The following MYO9A variants were observed in gnomAD, a reference collection of about 807,000 sequenced individuals.
MYO9A encodes myosin IXA.
In MYO9A, 103 loss-of-function variants were observed where a neutral mutation model predicts 293.3. The observed-to-expected ratio is 0.35, with a 90% CI of 0.30 to 0.41. The LOEUF (loss-of-function observed/expected upper bound fraction) is 0.41, where lower values mean the gene tolerates loss of function less well. MYO9A is among the 10% of genes least tolerant of loss of function. The pLI is 1.00. For missense variants in MYO9A, 2,685 were observed against 3,033.0 expected (o/e 0.89, Z 2.69); for synonymous variants, 1,001 against 1,035.7 (o/e 0.97, Z 0.64).
At chr15:71,925,424 T>G (rs923637034) in intron 18 of MYO9A, among the ~76,000 whole-genome samples, 3 of 151,660 alleles carry the variant, frequency 2.0e-5, no homozygotes, top group Non-Finnish European at 4.4e-5. Context: ...TATGTATATG[T>G]ATATATAGAT....
chr15:71,901,903 T>A (rs1342352664), intron 22 of MYO9A, among the ~76,000 whole-genome samples: 1 of 152,164 alleles, frequency 6.6e-6, no homozygotes, highest in East Asian at 1.9e-4. Context: ...AAACCAATGA[T>A]AACAGTCTTT....
At chr15:71,987,165 G>A (rs1314032017) in intron 11 of MYO9A, among the ~76,000 whole-genome samples, 1 of 152,138 alleles carries the variant, frequency 6.6e-6, no homozygotes, top group African/African-American at 2.4e-5. Flanking sequence ...GCCTAGGTGT[G>A]TAGGAGGCTA....
chr15:71,989,339 T>C (rs1200297310), intron 11 of MYO9A, among the ~76,000 whole-genome samples: 2 of 152,206 alleles, frequency 1.3e-5, no homozygotes, highest in Admixed American at 1.3e-4. Context: ...TATCTCATCC[T>C]AGAACTAAGA....
At position 72,020,812 on chromosome 15, in the gene MYO9A, T is replaced by C. The variant is rs149969754; in HGVS notation, c.1098+106A>G. On this transcript the variant is annotated intron_variant, in intron 5 of 41. Coordinates refer to ENST00000356056, the MANE Select transcript of MYO9A (RefSeq NM_006901.4). Reference sequence around the variant, plus strand: ...TTGTAGAGTACATATATGAAAATGCTAGCTAATCCATTCCTAGGTTTGAGA... The same window carrying C: ...TTGTAGAGTACATATATGAAAATGCCAGCTAATCCATTCCTAGGTTTGAGA... 2,088 of 551,606 alleles carry C rather than the reference T, an allele frequency of 3.8e-3. 3 individuals are homozygous for C. The highest frequency in any genetic ancestry group is 5.5e-3 in the Non-Finnish European group (1,905 of 346,088). 34.2% of individuals were successfully genotyped at this position (551,606 alleles called of 1,614,324 possible).
Position 71,944,420 on chromosome 15 carries a change from T to C in MYO9A, c.2303-5493A>G, listed in dbSNP as rs574980881. On this transcript the variant is annotated intron_variant, in intron 15 of 41. Coordinates refer to ENST00000356056, the MANE Select transcript of MYO9A (RefSeq NM_006901.4). ...GTCTCATCTAAGAAACTTTTGCCTG[T>C]CACAAGATTACAAAAATTTGTTTCT... Among the ~76,000 whole-genome samples, 6 of 152,270 alleles carry C rather than the reference T, an allele frequency of 3.9e-5. No homozygotes were observed. In the South Asian group the frequency reaches 1.2e-3, roughly 32 times the overall value.
chr15:71,936,037 T>G (rs1010182855), intron 16 of MYO9A, among the ~76,000 whole-genome samples: 1 of 151,804 alleles, frequency 6.6e-6, no homozygotes, highest in African/African-American at 2.4e-5. Context: ...ACATCATAAT[T>G]AATGGAGGAC....
At chr15:71,985,860 C>G (rs760242866) in intron 11 of MYO9A, among the ~76,000 whole-genome samples, 14 of 152,112 alleles carry the variant, frequency 9.2e-5, no homozygotes, top group Non-Finnish European at 1.5e-5. Flanking sequence ...ATGGATGAAA[C>G]AAAAACTTGC....
chr15:71,978,097 G>GA, intron 12 of MYO9A, 74 bp downstream of exon 12: 1 of 1,539,248 alleles, frequency 6.5e-7, no homozygotes, highest in Non-Finnish European at 8.8e-7. Flanking sequence ...GGTAATGTAA[G>GA]AAAAAAGTTT....
At chr15:71,983,475 T>A (rs1202855964) in intron 11 of MYO9A, among the ~76,000 whole-genome samples, 45 of 132,532 alleles carry the variant, frequency 3.4e-4, no homozygotes, top group Non-Finnish European at 5.7e-4. Flanking sequence ...TATTTCTTTT[T>A]TTTTTTTTTT....
chr15:72,023,447 C>T (rs2077563106), intron 4 of MYO9A, among the ~76,000 whole-genome samples: 1 of 152,078 alleles, frequency 6.6e-6, no homozygotes, highest in Admixed American at 6.5e-5. Context: ...AACCCCAGTA[C>T]TTTGGGAGGC....
intron 39 of MYO9A, 131 bp downstream of exon 39, chr15:71,848,714 G>T: frequency 9.5e-7 from 1 of 1,053,818 alleles, no homozygotes; most frequent in Non-Finnish European, 1.3e-6. Flanking sequence ...ATAGCACCTT[G>T]AGATTTGGTG....
chr15:71,896,508 G>A (rs1245120403), intron 25 of MYO9A, among the ~76,000 whole-genome samples: 4 of 151,984 alleles, frequency 2.6e-5, no homozygotes, highest in East Asian at 1.9e-4. Flanking sequence ...GGCTGGGTGC[G>A]GTGGCTCACA....
At chr15:71,847,415 C>T (rs1246523107) in intron 39 of MYO9A, 2 of 453,674 alleles carry the variant, frequency 4.4e-6, no homozygotes, top group African/African-American at 2.0e-5. Context: ...TAATACATAC[C>T]GAGACTGAAT....
chr15:72,108,661 T>G (rs1247679552), intron 1 of MYO9A, among the ~76,000 whole-genome samples: 2 of 152,214 alleles, frequency 1.3e-5, no homozygotes, highest in East Asian at 3.8e-4. Flanking sequence ...GGGTATTATT[T>G]TTCCTAGGTG....
chr15:71,879,901 T>C (rs2142464284), intron 29 of MYO9A, 64 bp from the exon 30 acceptor site: 4 of 1,094,972 alleles, frequency 3.7e-6, no homozygotes, highest in Non-Finnish European at 4.2e-6. Flanking sequence ...AATACAACAG[T>C]AGGCATGTAT....
chr15:72,050,636 A>T (rs1156562678), intron 1 of MYO9A, among the ~76,000 whole-genome samples: 1 of 151,332 alleles, frequency 6.6e-6, no homozygotes, highest in Non-Finnish European at 1.5e-5. Context: ...ATAAACAAAC[A>T]AACAAACAAA....
In MYO9A at chr15:71,870,215, TA is replaced by T. The variant is rs937709972; in HGVS notation, c.5979+5575del. On this transcript the variant is annotated intron_variant, in intron 32 of 41. Transcript: ENST00000356056. ...GTATTACTTTCATGGTAAAAGTGGT[TA>T]AAAAAAAAAAAAGTGGTAAAAGTTC... 8.3e-3 allele frequency among the ~76,000 whole-genome samples: 1,160 copies of T among 140,476 alleles called. 12 individuals are homozygous for T. Among genetic ancestry groups the T allele is most frequent in the African/African-American group, 0.022 (853 of 38,472 alleles). The allele number at this position is 140,476 out of a possible 152,430, so 92.2% of individuals were successfully genotyped here. A position where few individuals can be genotyped will look rare whatever the true frequency, so the allele number is the denominator to read the frequency against.
At chr15:71,961,411 G>A (rs2075736058) in intron 13 of MYO9A, among the ~76,000 whole-genome samples, 1 of 152,148 alleles carries the variant, frequency 6.6e-6, no homozygotes, top group African/African-American at 2.4e-5. Context: ...TTTTTTCCAA[G>A]TGAAGTTTGG....
At chr15:71,914,171 A>G (rs755968145) in intron 19 of MYO9A, among the ~76,000 whole-genome samples, 4 of 152,138 alleles carry the variant, frequency 2.6e-5, no homozygotes, top group Non-Finnish European at 4.4e-5. Flanking sequence ...CTCTTCAATT[A>G]GCAAGACCAC....
Sources: gnomAD v4.1 joint callset for allele counts (sites outside exome capture counted in the v4.1 genomes callset) on GRCh38, gnomAD v4.1.1 for gene constraint, MANE v1.5 for transcripts, NCBI Gene and HGNC (gene_info 2026-07-23, HGNC 2026-07-21) for gene names.